The following ANKRD53 variants were observed in gnomAD, a reference collection of about 807,000 sequenced individuals.
The protein encoded by ANKRD53 is ankyrin repeat domain-containing protein 53.
Under a neutral mutation model 30.1 loss-of-function variants are expected in ANKRD53, and 27 were observed. The observed-to-expected ratio is 0.90, with a 90% CI of 0.66 to 1.24. ANKRD53 has a LOEUF of 1.24. Among genes scored for constraint, ANKRD53 ranks in the 50% most tolerant of loss-of-function variants. The probability of loss-of-function intolerance (pLI) is 0.00; values close to 1 mark genes in which losing one functional copy is unlikely to be tolerated. For synonymous variants in ANKRD53, 286 were observed against 295.4 expected (o/e 0.97, Z 0.33); for missense variants, 682 against 721.0 (o/e 0.95, Z 0.62).
intron 5 of ANKRD53, among the ~76,000 whole-genome samples, chr2:70,983,558 G>A (rs370142054): frequency 8.5e-5 from 13 of 152,182 alleles, no homozygotes; most frequent in East Asian, 3.9e-4. Context: ...TGCTGACTCC[G>A]GCACACCGGG....
At position 70,982,659 on chromosome 2, in the gene ANKRD53, C is replaced by A. The variant is rs1357647098; in HGVS notation, c.865C>A (p.Leu289Met). The change falls in exon 5 of 6, where the codon CTG (leucine) becomes ATG (methionine). Residue 289 changes from leucine to methionine, a missense_variant. Transcript: ENST00000360589. This position sits in a 1 kb window ranked among gnomAD's most constrained non-coding sequence, Gnocchi z 4.2. ...MTKMKMFKSQ[L>M]TLMEHNYLIE... Reference sequence around the variant, plus strand: ...GAAAATGAAGATGTTCAAGAGCCAGCTGACCCTCATGGAGCACAACTACCT... The same window carrying A: ...GAAAATGAAGATGTTCAAGAGCCAGATGACCCTCATGGAGCACAACTACCT... The A allele has an allele frequency of 6.2e-7, 1 of 1,614,140 alleles. No homozygotes were observed. The highest frequency in any genetic ancestry group is 1.7e-5 in the Admixed American group (1 of 60,028).
intron 3 of ANKRD53, among the ~76,000 whole-genome samples, chr2:70,980,931 G>A (rs1220964530): frequency 6.6e-6 from 1 of 152,112 alleles, no homozygotes; most frequent in Non-Finnish European, 1.5e-5. Flanking sequence ...GGGCGACAGA[G>A]CGAGACTCCG....
At chr2:70,979,371 C>T in intron 2 of ANKRD53, 28 bp downstream of exon 2, 2 of 1,612,256 alleles carry the variant, frequency 1.2e-6, no homozygotes, top group Admixed American at 3.3e-5. Flanking sequence ...GGGGCAAAGA[C>T]CGAGGTCCCT....
chr2:70,979,719 T>A lies in ANKRD53; in HGVS notation c.476T>A (p.Leu159Gln), dbSNP rs1669946801. The A allele has an allele frequency of 6.2e-7, 1 of 1,614,102 alleles. No homozygotes were observed. Among genetic ancestry groups the A allele is most frequent in the African/African-American group, 1.3e-5 (1 of 74,954 alleles). ...QWGKLACLQVLVEEYKFPVDL... is the reference protein window; with the variant it reads ...QWGKLACLQVQVEEYKFPVDL... Reference sequence around the variant, plus strand: ...GGCAAGCTTGCATGCCTGCAGGTCCTGGTAGAGGAGTACAAGTTTCCCGTG... The same window carrying A: ...GGCAAGCTTGCATGCCTGCAGGTCCAGGTAGAGGAGTACAAGTTTCCCGTG... The change falls in exon 3 of 6, where the codon CTG becomes CAG. Residue 159 changes from leucine (L) to glutamine (Q), a missense_variant. By Grantham distance (113) the Leu-to-Gln change is moderately radical (BLOSUM62 -2). Transcript: ENST00000360589.
intron 3 of ANKRD53, among the ~76,000 whole-genome samples, chr2:70,980,077 A>T (rs1553423306): frequency 6.6e-6 from 1 of 152,238 alleles, no homozygotes. Context: ...ACACTTTGGA[A>T]GGCCGAGGCA....
rs1553424590 is a variant in ANKRD53 at position 70,985,123 on chromosome 2, G to C, written c.1416G>C (p.Gln472His). The C allele has an allele frequency of 6.4e-7, 1 of 1,551,228 alleles. No individual in the cohort carries two copies. The highest frequency in any genetic ancestry group is 8.7e-7 in the Non-Finnish European group (1 of 1,146,990). ...GGCCATACAGAATGAAGGTGCCCCA[G>C]GGCTTTTACCCCATCAGCATGAGGG... is the stretch of plus-strand genomic sequence containing the variant. ...RVWPYRMKVPQGFYPISMREV... is the reference protein window; with the variant it reads ...RVWPYRMKVPHGFYPISMREV... The change falls in exon 6 of 6, where the codon CAG becomes CAC. Residue 472 changes from glutamine (Q) to histidine (H), a missense_variant. Transcript: ENST00000360589.
Position 70,982,721 on chromosome 2 carries a change from AG to A in ANKRD53, c.903+28del, listed in dbSNP as rs781908315. 6 of 1,612,026 alleles carry A rather than the reference AG, an allele frequency of 3.7e-6. No homozygotes were observed. The highest frequency in any genetic ancestry group is 1.7e-5 in the Admixed American group (1 of 59,972). ...AAGTAAGGGGGACAGCAGGGGGGCC[AG>A]GGGACAGCTGCTATCCAGGCATGTG... On this transcript the variant is annotated intron_variant, in intron 5 of 5. Transcript: ENST00000360589. This position sits in a 1 kb window ranked among gnomAD's most constrained non-coding sequence, Gnocchi z 4.2.
Position 70,984,746 on chromosome 2 carries a change from T to C in ANKRD53, c.1039T>C (p.Ser347Pro). ...CTCCAAGACCCCAGAGCAACGGGAA[T>C]CGCAGCGTTCCAGGAGCTTCCACCC... is the stretch of plus-strand genomic sequence containing the variant. ...ALSKTPEQRESQRSRSFHPSV... is the reference protein window; with the variant it reads ...ALSKTPEQREPQRSRSFHPSV... The change falls in exon 6 of 6, where the codon TCG (serine) becomes CCG (proline). Residue 347 changes from serine to proline, a missense_variant. Coordinates refer to ENST00000360589, the MANE Select transcript of ANKRD53 (RefSeq NM_001115116.2). The C allele has an allele frequency of 6.3e-7, 1 of 1,595,036 alleles. No individual in the cohort carries two copies. Among genetic ancestry groups the C allele is most frequent in the Non-Finnish European group, 8.5e-7 (1 of 1,170,234 alleles).
intron 5 of ANKRD53, chr2:70,983,981 G>C: frequency 4.1e-6 from 3 of 727,342 alleles, no homozygotes; most frequent in Non-Finnish European, 7.2e-6. Flanking sequence ...GTGGAGGCAA[G>C]GACAGAGCTA....
rs1669918852 is a variant in ANKRD53, at chr2:70,979,126, T to A, written c.200T>A (p.Leu67His). Reference sequence around the variant, plus strand: ...CCCCTGCCCGACCTCGCAGACCACCTCAGTGCGCAGGCGACTGCCCTCGCC... The same window carrying A: ...CCCCTGCCCGACCTCGCAGACCACCACAGTGCGCAGGCGACTGCCCTCGCC... ...SQPLPDLADHLSAQATALARP... is the reference protein window; with the variant it reads ...SQPLPDLADHHSAQATALARP... Residue 67 changes from leucine to histidine, a missense_variant, in exon 2 of 6, where the codon CTC (leucine) becomes CAC (histidine). Physicochemically the swap from Leu to His is moderately conservative, Grantham distance 99. Coordinates refer to ENST00000360589, the MANE Select transcript of ANKRD53 (RefSeq NM_001115116.2). 1 of 1,561,434 alleles carries A rather than the reference T, an allele frequency of 6.4e-7. No individual in the cohort carries two copies. Among genetic ancestry groups the A allele is most frequent in the East Asian group, 2.4e-5 (1 of 41,294 alleles).
intron 3 of ANKRD53, among the ~76,000 whole-genome samples, 156 bp downstream of exon 3, chr2:70,980,016 A>G (rs1342299375): frequency 1.3e-5 from 2 of 152,228 alleles, no homozygotes; most frequent in African/African-American, 4.8e-5. Flanking sequence ...ACATGGTGTA[A>G]TAAAGAGACT....
intron 3 of ANKRD53, among the ~76,000 whole-genome samples, 195 bp downstream of exon 3, chr2:70,980,055 C>A (rs532152336): frequency 1.3e-5 from 2 of 152,324 alleles, no homozygotes; most frequent in South Asian, 4.1e-4. Flanking sequence ...GTGGCTCATG[C>A]CTATAATCCC....
Position 70,985,008 on chromosome 2 carries a change from C to T in ANKRD53, c.1301C>T (p.Ala434Val), listed in dbSNP as rs1553424530. ...LEVRPDGHGGARLHTVDGHWV... is the reference protein window; with the variant it reads ...LEVRPDGHGGVRLHTVDGHWV... Reference sequence around the variant, plus strand: ...GTGAGGCCTGATGGGCACGGCGGTGCGCGGCTGCACACAGTGGACGGCCAC... The same window carrying T: ...GTGAGGCCTGATGGGCACGGCGGTGTGCGGCTGCACACAGTGGACGGCCAC... Residue 434 changes from alanine to valine, a missense_variant, in exon 6 of 6, where the codon GCG (alanine) becomes GTG (valine). Physicochemically the swap from Ala to Val is moderately conservative, Grantham distance 64. Coordinates refer to ENST00000360589, the MANE Select transcript of ANKRD53 (RefSeq NM_001115116.2). The T allele has an allele frequency of 1.2e-5, 18 of 1,548,524 alleles. No individual in the cohort carries two copies. The Admixed American group carries it at 1.8e-4, about 15-fold the overall frequency.
chr2:70,981,569 G>A (rs1180255805), intron 3 of ANKRD53, among the ~76,000 whole-genome samples: 1 of 151,256 alleles, frequency 6.6e-6, no homozygotes, highest in African/African-American at 2.4e-5. Context: ...TAAGATCGAG[G>A]AGGTTAGGCC....
In ANKRD53 at chr2:70,981,982, G is replaced by T; in HGVS notation, c.664G>T (p.Gly222Cys). ...STPLHLAARDGLLDCVKVLVQ... is the reference protein window; with the variant it reads ...STPLHLAARDCLLDCVKVLVQ... ...GCCCCTGCACCTGGCAGCCCGTGAC[G>T]GCTTGCTGGACTGTGTGAAGGTCCT... The change falls in exon 4 of 6, where the codon GGC becomes TGC. Residue 222 changes from glycine to cysteine, a missense_variant. Gly to Cys is a radical substitution (Grantham distance 159, BLOSUM62 -3). Transcript: ENST00000360589. The T allele has an allele frequency of 6.2e-7, 1 of 1,610,766 alleles. No individual in the cohort carries two copies. Among genetic ancestry groups the T allele is most frequent in the Non-Finnish European group, 8.5e-7 (1 of 1,178,388 alleles).
chr2:70,982,412 T>G lies in ANKRD53; in HGVS notation c.783-165T>G. ...ACTTTCGTCTTTCACCTAAAGGAAG[T>G]AGGGAGCCAGAGGGCCCCGGGCAAT... On this transcript the variant is annotated intron_variant, in intron 4 of 5. Coordinates refer to ENST00000360589, the MANE Select transcript of ANKRD53 (RefSeq NM_001115116.2). The surrounding 1 kb of genome is among the most constrained non-coding windows in gnomAD (Gnocchi z 4.2). 3 of 972,212 alleles carry G rather than the reference T, an allele frequency of 3.1e-6. No individual in the cohort carries two copies. Among genetic ancestry groups the G allele is most frequent in the South Asian group, 3.5e-5 (2 of 57,248 alleles). 60.2% of individuals were successfully genotyped at this position (972,212 alleles called of 1,614,324 possible).
chr2:70,979,311 C>G lies in ANKRD53; in HGVS notation c.385C>G (p.Gln129Glu), dbSNP rs1339132566. 2.5e-6 allele frequency: 4 copies of G among 1,613,504 alleles called. No homozygotes were observed. The highest frequency in any genetic ancestry group is 3.4e-6 in the Non-Finnish European group (4 of 1,180,052). The change falls in exon 2 of 6, where the codon CAG (glutamine) becomes GAG (glutamate). Residue 129 changes from glutamine (Q) to glutamate (E), a missense_variant. Physicochemically the swap from Gln to Glu is conservative, Grantham distance 29 (BLOSUM62 2). Coordinates refer to ENST00000360589, the MANE Select transcript of ANKRD53 (RefSeq NM_001115116.2). The part of the protein sequence containing the change: ...NVEWLRFCLN[Q>E]SLREIPTDDK... ...GGAATGGCTGCGATTCTGTCTGAAC[C>G]AGAGCCTCAGGGAAATCCCCACCGA...
rs1553424434 is a variant in ANKRD53 at position 70,984,843 on chromosome 2, C to T, written c.1136C>T (p.Thr379Met). 5 of 1,551,910 alleles carry T rather than the reference C, an allele frequency of 3.2e-6. No individual in the cohort carries two copies. The highest frequency in any genetic ancestry group is 2.4e-5 in the South Asian group (2 of 84,130). Reference protein sequence around the residue: ...EMPKPIYRKPTVKRPTMWNVS... With the variant: ...EMPKPIYRKPMVKRPTMWNVS... ...CCCAAGCCCATCTACAGGAAGCCCA[C>T]GGTCAAGCGGCCCACAATGTGGAAT... is the stretch of plus-strand genomic sequence containing the variant. Residue 379 changes from threonine to methionine, a missense_variant, in exon 6 of 6, where the codon ACG becomes ATG. Physicochemically the swap from Thr to Met is moderately conservative, Grantham distance 81 (BLOSUM62 -1). Coordinates refer to ENST00000360589, the MANE Select transcript of ANKRD53 (RefSeq NM_001115116.2).
At position 70,984,863 on chromosome 2, in the gene ANKRD53, T is replaced by C; in HGVS notation, c.1156T>C (p.Trp386Arg). 1 of 1,551,336 alleles carries C rather than the reference T, an allele frequency of 6.4e-7. No individual in the cohort carries two copies. The highest frequency in any genetic ancestry group is 8.7e-7 in the Non-Finnish European group (1 of 1,147,020). Residue 386 changes from tryptophan to arginine, a missense_variant, in exon 6 of 6, where the codon TGG becomes CGG. By Grantham distance (101) the Trp-to-Arg change is moderately radical. Coordinates refer to ENST00000360589, the MANE Select transcript of ANKRD53 (RefSeq NM_001115116.2). ...GCCCACGGTCAAGCGGCCCACAATG[T>C]GGAATGTTAGCAACAACCCCGCCAG... ...RKPTVKRPTM[W>R]NVSNNPARPP...
Sources: gnomAD v4.1 joint callset for allele counts (sites outside exome capture counted in the v4.1 genomes callset) on GRCh38, gnomAD v4.1.1 for gene constraint, Gnocchi (gnomAD v3.1) non-coding constraint, MANE v1.5 for transcripts, NCBI Gene and HGNC (gene_info 2026-07-23, HGNC 2026-07-21) for gene names.